Variants in PTPRD observed in about 807,000 individuals in gnomAD.
PTPRD encodes the protein protein tyrosine phosphatase receptor type D.
Under a neutral mutation model 214.5 loss-of-function variants are expected in PTPRD, and 34 were observed. The ratio of observed to expected loss-of-function variants is 0.16; its 90% CI spans 0.12 to 0.21. The LOEUF is 0.21. Among genes scored for constraint, PTPRD ranks in the 10% least tolerant of loss-of-function variants. PTPRD has a pLI of 1.00. For missense variants in PTPRD, 2,545 were observed against 2,398.7 expected, an observed-to-expected ratio of 1.06 and a Z score of -1.27; for synonymous variants, 1,128 against 845.7, an observed-to-expected ratio of 1.33 and a Z score of -5.79.
chr9:8,756,845 GA>G (rs1263940802), intron 11 of PTPRD, among the ~76,000 whole-genome samples: 2 of 152,056 alleles, frequency 1.3e-5, no homozygotes, highest in Admixed American at 1.3e-4. Context: ...TGGCTCCAAA[GA>G]ATCTATAAAC....
At chr9:10,242,925 G>A (rs1401375793) in intron 3 of PTPRD, among the ~76,000 whole-genome samples, 1 of 149,710 alleles carries the variant, frequency 6.7e-6, no homozygotes, top group East Asian at 2.0e-4. Flanking sequence ...GAAGGGAAGA[G>A]AGGGAGGGAG....
At chr9:9,790,212 T>C (rs1182055599) in intron 5 of PTPRD, among the ~76,000 whole-genome samples, 3 of 152,192 alleles carry the variant, frequency 2.0e-5, no homozygotes, top group Non-Finnish European at 4.4e-5. Flanking sequence ...ATGTTTGTTT[T>C]GTTTTCTTGA....
intron 7 of PTPRD, among the ~76,000 whole-genome samples, chr9:9,659,941 G>A (rs914734395): frequency 2.6e-5 from 4 of 151,998 alleles, no homozygotes; most frequent in Admixed American, 2.6e-4. Flanking sequence ...AATATACAGT[G>A]CTCATGATTA....
chr9:8,529,157 A>G (rs990366582), intron 14 of PTPRD, among the ~76,000 whole-genome samples: 1 of 152,028 alleles, frequency 6.6e-6, no homozygotes, highest in African/African-American at 2.4e-5. Flanking sequence ...AAAAGGGGAG[A>G]AGGAGATTTT....
chr9:8,469,517 T>C (rs1591357317), intron 31 of PTPRD, among the ~76,000 whole-genome samples: 1 of 152,064 alleles, frequency 6.6e-6, no homozygotes, highest in Non-Finnish European at 1.5e-5. Flanking sequence ...GTAAAGAATA[T>C]ATCAAGATTA....
chr9:10,390,216 G>A (rs2098029087), intron 2 of PTPRD, among the ~76,000 whole-genome samples: 1 of 151,758 alleles, frequency 6.6e-6, no homozygotes, highest in Admixed American at 6.6e-5. Context: ...TAAGAACAGT[G>A]ACATTCAAAA....
At chr9:9,700,973 T>C (rs1439359725) in intron 7 of PTPRD, among the ~76,000 whole-genome samples, 1 of 151,702 alleles carries the variant, frequency 6.6e-6, no homozygotes, top group Non-Finnish European at 1.5e-5. Context: ...TTGTAGGAAC[T>C]CAGAGAAACG....
intron 3 of PTPRD, among the ~76,000 whole-genome samples, chr9:10,126,068 C>T (rs34140498): frequency 3.9e-5 from 6 of 152,004 alleles, no homozygotes; most frequent in Middle Eastern, 3.2e-3. Flanking sequence ...AAGCAATATA[C>T]GGAAGTTGTA....
intron 5 of PTPRD, among the ~76,000 whole-genome samples, chr9:9,771,214 T>C (rs1025297712): frequency 6.6e-6 from 1 of 152,192 alleles, no homozygotes; most frequent in African/African-American, 2.4e-5. Context: ...AATATATCTA[T>C]ATAATTTCCA....
chr9:9,677,288 C>T (rs2096953330), intron 7 of PTPRD, among the ~76,000 whole-genome samples: 1 of 152,000 alleles, frequency 6.6e-6, no homozygotes, highest in Admixed American at 6.6e-5. Flanking sequence ...TTTAATCCAT[C>T]TTGAGTTAAT....
chr9:9,326,112 C>T (rs1569567387), intron 9 of PTPRD, among the ~76,000 whole-genome samples: 1 of 151,822 alleles, frequency 6.6e-6, no homozygotes, highest in Non-Finnish European at 1.5e-5. Context: ...TAAGTGAACT[C>T]CACAATAACT....
At chr9:8,903,069 C>T (rs1041453515) in intron 11 of PTPRD, among the ~76,000 whole-genome samples, 9 of 151,682 alleles carry the variant, frequency 5.9e-5, no homozygotes, top group African/African-American at 1.7e-4. Context: ...AATCTCACCA[C>T]GTTTAGGAAT....
At chr9:10,590,856 T>C (rs1228629203) in intron 2 of PTPRD, among the ~76,000 whole-genome samples, 1 of 151,372 alleles carries the variant, frequency 6.6e-6, no homozygotes, top group African/African-American at 2.4e-5. Flanking sequence ...TGGAGGCAAA[T>C]GTTATATACT....
intron 3 of PTPRD, among the ~76,000 whole-genome samples, chr9:10,236,693 C>G (rs1388302199): frequency 6.6e-6 from 1 of 151,746 alleles, no homozygotes; most frequent in Non-Finnish European, 1.5e-5. Context: ...AATCTATTAC[C>G]ACACTCTAAG....
chr9:9,406,577 C>G (rs57256880), intron 8 of PTPRD, among the ~76,000 whole-genome samples: 1 of 151,904 alleles, frequency 6.6e-6, no homozygotes, highest in East Asian at 1.9e-4. Context: ...CAATTTCAAA[C>G]TGATAAGAGG....
chr9:8,972,546 G>A (rs1479467519), intron 11 of PTPRD, among the ~76,000 whole-genome samples: 2 of 151,716 alleles, frequency 1.3e-5, no homozygotes, highest in Non-Finnish European at 3.0e-5. Context: ...GATAGGAAGG[G>A]AAGAATGAAA....
intron 4 of PTPRD, among the ~76,000 whole-genome samples, chr9:9,962,478 T>C (rs1214161289): frequency 1.3e-5 from 2 of 152,084 alleles, no homozygotes; most frequent in East Asian, 1.9e-4. Flanking sequence ...TTCTCACTTG[T>C]GTGAGAACAT....
At chr9:10,109,084 G>T (rs2098665442) in intron 3 of PTPRD, among the ~76,000 whole-genome samples, 1 of 152,068 alleles carries the variant, frequency 6.6e-6, no homozygotes, top group Non-Finnish European at 1.5e-5. Flanking sequence ...CATAAAAAAA[G>T]AAACAATGTG....
intron 11 of PTPRD, among the ~76,000 whole-genome samples, chr9:8,923,864 A>C (rs2098845326): frequency 6.6e-6 from 1 of 152,184 alleles, no homozygotes; most frequent in South Asian, 2.1e-4. Flanking sequence ...ATGTGATTTT[A>C]AGCTCTGCCT....
Sources: allele counts gnomAD v4.1 joint callset (sites outside exome capture counted in the v4.1 genomes callset), GRCh38; gene constraint gnomAD v4.1.1; transcripts MANE v1.5; gene names NCBI Gene and HGNC (gene_info 2026-07-23, HGNC 2026-07-21).